Variants in FAM20C observed in about 807,000 individuals in gnomAD.
FAM20C encodes the protein extracellular serine/threonine protein kinase FAM20C.
A neutral mutation model predicts 51.5 loss-of-function variants in FAM20C; 40 were observed. The observed-to-expected ratio is 0.78, with a 90% CI of 0.60 to 1.01. FAM20C has a LOEUF of 1.01. Ranked by LOEUF, FAM20C falls within the 50% of genes least tolerant of loss-of-function variation. The probability of loss-of-function intolerance (pLI) is 0.00; values close to 1 mark genes in which losing one functional copy is unlikely to be tolerated. For missense variants in FAM20C, 861 were observed against 844.7 expected, an observed-to-expected ratio of 1.02 and a Z score of -0.24; for synonymous variants, 406 against 380.6, an observed-to-expected ratio of 1.07 and a Z score of -0.78.
intron 8 of FAM20C, 83 bp from the exon 9 acceptor site, chr7:258,563 G>T: frequency 7.2e-7 from 1 of 1,394,002 alleles, no homozygotes; most frequent in Non-Finnish European, 9.8e-7. Flanking sequence ...CAGGCAGGTG[G>T]ACCCATGGCC....
chr7:257,752 C>T lies in FAM20C; in HGVS notation c.1445+666C>T, dbSNP rs1056993776. ...CGGGGTGGACCCACTGCCTGGGGTG[C>T]TGGAGATGGGCAGGGTGGACCCACT... On this transcript the variant is annotated intron_variant, in intron 8 of 9. Transcript: ENST00000313766. Among the ~76,000 whole-genome samples, 212 of 141,504 alleles carry T rather than the reference C, an allele frequency of 1.5e-3. 1 individual carries two copies. Among genetic ancestry groups the T allele is most frequent in the African/African-American group, 6.0e-3 (209 of 35,018 alleles). The allele number at this position is 141,504 out of a possible 152,430, so 92.8% of individuals were successfully genotyped here.
chr7:201,773 C>T (rs922277360), intron 2 of FAM20C, among the ~76,000 whole-genome samples: 1 of 152,342 alleles, frequency 6.6e-6, no homozygotes, highest in Admixed American at 6.5e-5. Flanking sequence ...CGAACATCGC[C>T]TCTGTCTCGT....
intron 2 of FAM20C, among the ~76,000 whole-genome samples, chr7:198,536 A>G (rs1227333801): frequency 1.3e-5 from 2 of 152,298 alleles, no homozygotes; most frequent in East Asian, 1.9e-4. Context: ...GAATAGTCAC[A>G]TGTTCCTCTG....
At chr7:259,059 C>T (rs867018096) in intron 9 of FAM20C, among the ~76,000 whole-genome samples, 15 of 152,248 alleles carry the variant, frequency 9.9e-5, no homozygotes, top group South Asian at 8.3e-4. Context: ...CCACCTTCTG[C>T]GGGGGTTCAG....
chr7:253,464 G>GTCCGCTACCCTGGCTTTC (rs1254322464), intron 5 of FAM20C, among the ~76,000 whole-genome samples: 1 of 152,164 alleles, frequency 6.6e-6, no homozygotes, highest in African/African-American at 2.4e-5. Flanking sequence ...TCCTGGGTTT[G>GTCCGCTACCCTGGCTTTC]TCCGCTACCC....
At chr7:231,535 C>CCCCGTGGGAGGAGGG (rs1377614213) in intron 3 of FAM20C, among the ~76,000 whole-genome samples, 2 of 151,916 alleles carry the variant, frequency 1.3e-5, no homozygotes, top group Admixed American at 1.3e-4. Context: ...GCGTGGAGGG[C>CCCCGTGGGAGGAGGG]TCCGTGGGAG....
chr7:236,228 C>T (rs1392035396), intron 3 of FAM20C, among the ~76,000 whole-genome samples: 1 of 113,818 alleles, frequency 8.8e-6, no homozygotes, highest in Non-Finnish European at 1.7e-5. Flanking sequence ...AGAGGCCGAG[C>T]GGCTCCTGGC....
rs764977929 is a variant in FAM20C, at chr7:193,546, C to T, written c.347C>T (p.Pro116Leu). The change falls in exon 1 of 10, where the codon CCG becomes CTG. Residue 116 changes from proline to leucine, a missense_variant. Pro to Leu is a moderately conservative substitution (Grantham distance 98). Transcript: ENST00000313766. ...GAGAAACTGCCGCCCGCGGCCGAGC[C>T]GGCCGAGCGCGCCTTGCGGGGGCGG... The part of the protein sequence containing the change: ...SLEKLPPAAE[P>L]AERALRGRDP... The T allele has an allele frequency of 6.7e-6, 10 of 1,494,498 alleles. No individual in the cohort carries two copies. Among genetic ancestry groups the T allele is most frequent in the East Asian group, 5.8e-5 (2 of 34,762 alleles). 92.6% of individuals were successfully genotyped at this position (1,494,498 alleles called of 1,614,324 possible). A position where few individuals can be genotyped will look rare whatever the true frequency, so the allele number is the denominator to read the frequency against.
intron 3 of FAM20C, among the ~76,000 whole-genome samples, chr7:234,706 C>T (rs953250527): frequency 3.3e-5 from 5 of 152,162 alleles, no homozygotes; most frequent in African/African-American, 4.8e-5. Flanking sequence ...AACAGAAAGG[C>T]GGGTGTTGAA....
At chr7:201,088 C>A (rs1786107820) in intron 2 of FAM20C, among the ~76,000 whole-genome samples, 1 of 152,240 alleles carries the variant, frequency 6.6e-6, no homozygotes, top group African/African-American at 2.4e-5. Context: ...GACCTGAGCT[C>A]TCCCGGTGTC....
chr7:212,850 GC>G (rs1437425971), intron 3 of FAM20C, among the ~76,000 whole-genome samples: 1 of 152,134 alleles, frequency 6.6e-6, no homozygotes, highest in Non-Finnish European at 1.5e-5. Flanking sequence ...CTTAAAGTGT[GC>G]AGCTTGGGGG....
intron 3 of FAM20C, among the ~76,000 whole-genome samples, chr7:209,561 TCAC>T (rs1786603397): frequency 6.8e-6 from 1 of 147,448 alleles, no homozygotes; most frequent in Non-Finnish European, 1.5e-5. Flanking sequence ...ACTGTGTCAG[TCAC>T]CAAAACCGAT....
At position 200,550 on chromosome 7, in the gene FAM20C, C is replaced by T. The variant is rs10270445; in HGVS notation, c.784+4818C>T. Among the ~76,000 whole-genome samples, 895 of 152,366 alleles carry T rather than the reference C, an allele frequency of 5.9e-3. 9 individuals carry two copies. The highest frequency in any genetic ancestry group is 0.021 in the African/African-American group (864 of 41,588). ...CCGTGCTGAGCAGAGACAGCAGCCCCCTAGCTGCAGGAGTGTGCCCCGATG... is the reference window on the plus strand; with the variant it reads ...CCGTGCTGAGCAGAGACAGCAGCCCTCTAGCTGCAGGAGTGTGCCCCGATG... On this transcript the variant is annotated intron_variant, in intron 2 of 9. Coordinates refer to ENST00000313766, the MANE Select transcript of FAM20C (RefSeq NM_020223.4).
Position 248,357 on chromosome 7 carries a change from G to T in FAM20C, c.999G>T (p.Met333Ile), listed in dbSNP as rs1411112679. Residue 333 changes from methionine to isoleucine, a missense_variant, in exon 5 of 10, where the codon ATG (methionine) becomes ATT (isoleucine). Coordinates refer to ENST00000313766, the MANE Select transcript of FAM20C (RefSeq NM_020223.4). The stretch of plus-strand genomic sequence containing the variant: ...GGGTCCCTCCCGTGGCCGGCAGGAT[G>T]GTCAACATGACCAAGGAGATCCGGG... The part of the protein sequence containing the change: ...FRRVPPVAGR[M>I]VNMTKEIRDV... The T allele has an allele frequency of 1.8e-5, 28 of 1,537,060 alleles. No individual in the cohort carries two copies. Among genetic ancestry groups the T allele is most frequent in the Non-Finnish European group, 2.3e-5 (26 of 1,146,904 alleles).
intron 3 of FAM20C, among the ~76,000 whole-genome samples, chr7:220,362 G>T (rs1159286764): frequency 6.6e-6 from 1 of 152,216 alleles, no homozygotes; most frequent in East Asian, 1.9e-4. Flanking sequence ...TGTGGCTGGG[G>T]ATGCTGCTCA....
chr7:223,705 T>A (rs1461046718), intron 3 of FAM20C, among the ~76,000 whole-genome samples: 1 of 152,218 alleles, frequency 6.6e-6, no homozygotes, highest in South Asian at 2.1e-4. Context: ...CTTACGCGGA[T>A]GCCGCAGGTG....
intron 2 of FAM20C, among the ~76,000 whole-genome samples, chr7:200,862 C>T (rs899840868): frequency 9.9e-5 from 15 of 152,164 alleles, no homozygotes; most frequent in African/African-American, 3.4e-4. Flanking sequence ...CCCAGCTCTT[C>T]CAGCCCCTTA....
At chr7:259,541 T>C (rs1788793591) in intron 9 of FAM20C, among the ~76,000 whole-genome samples, 190 bp from the exon 10 acceptor site, 3 of 152,236 alleles carry the variant, frequency 2.0e-5, no homozygotes, top group African/African-American at 4.8e-5. Flanking sequence ...CCTTTCTCTC[T>C]CCCTCTCTTT....
intron 8 of FAM20C, among the ~76,000 whole-genome samples, chr7:257,870 G>GTGGGGTGGACCCACTGCCCGGGGT (rs1173680029): frequency 1.3e-5 from 1 of 79,406 alleles, no homozygotes; most frequent in African/African-American, 3.8e-5. Context: ...CTGGAGATGG[G>GTGGGGTGGACCCACTGCCCGGGGT]GCTGGGTGGA....
Sources: gnomAD v4.1 joint callset for allele counts (sites outside exome capture counted in the v4.1 genomes callset) on GRCh38, gnomAD v4.1.1 for gene constraint, MANE v1.5 for transcripts, NCBI Gene and HGNC (gene_info 2026-07-23, HGNC 2026-07-21) for gene names.